Variants in NFAT5 observed in about 807,000 individuals in gnomAD.
The protein encoded by NFAT5 is nuclear factor of activated T-cells 5.
Under a neutral mutation model 166.5 loss-of-function variants are expected in NFAT5, and 31 were observed. That is an observed-to-expected ratio of 0.19 (90% CI 0.14 to 0.25). The LOEUF is 0.25. NFAT5 is among the 10% of genes least tolerant of loss of function. The pLI is 1.00. For synonymous variants in NFAT5, 612 were observed against 639.7 expected (o/e 0.96, Z 0.65); for missense variants, 1,449 against 1,821.8 (o/e 0.80, Z 3.72).
In NFAT5 at chr16:69,692,365, A is replaced by T; in HGVS notation, c.2540A>T (p.Asp847Val). Reference protein sequence around the residue: ...NENVQEQLSADIFQQVSQIQS... With the variant: ...NENVQEQLSAVIFQQVSQIQS... ...AATGTTCAAGAGCAGCTTAGTGCAG[A>T]TATTTTTCAACAAGTCAGTCAAATT... The change falls in exon 13 of 15, where the codon GAT becomes GTT. Residue 847 changes from aspartate to valine, a missense_variant. Around this residue, in one of 7 missense-constraint regions of NFAT5, gnomAD observed 891 missense variants for 993.0 expected, o/e 0.90. Coordinates refer to ENST00000349945, the MANE Select transcript of NFAT5 (RefSeq NM_138713.4). 1 of 1,614,220 alleles carries T rather than the reference A, an allele frequency of 6.2e-7. No individual in the cohort carries two copies. Among genetic ancestry groups the T allele is most frequent in the Non-Finnish European group, 8.5e-7 (1 of 1,180,040 alleles).
chr16:69,578,936 G>C (rs188641493), intron 2 of NFAT5, among the ~76,000 whole-genome samples: 3 of 151,446 alleles, frequency 2.0e-5, no homozygotes, highest in African/African-American at 7.3e-5. Context: ...GTGCAGTGGC[G>C]TAATCTCGGC....
intron 2 of NFAT5, among the ~76,000 whole-genome samples, chr16:69,597,656 A>ATCT (rs1378002648): frequency 6.7e-6 from 1 of 150,292 alleles, no homozygotes; most frequent in Non-Finnish European, 1.5e-5. Flanking sequence ...CAGTGGCGCG[A>ATCT]TCTCAGCTCA....
intron 2 of NFAT5, among the ~76,000 whole-genome samples, chr16:69,596,437 A>AGGCCGG (rs2032793063): frequency 6.6e-6 from 1 of 152,152 alleles, no homozygotes; most frequent in African/African-American, 2.4e-5. Flanking sequence ...AAAGAAAAGA[A>AGGCCGG]GGCCGGGTGC....
intron 4 of NFAT5, 52 bp from the exon 5 acceptor site, chr16:69,653,184 T>C: frequency 7.9e-7 from 1 of 1,272,152 alleles, no homozygotes; most frequent in Non-Finnish European, 1.1e-6. Flanking sequence ...TTTTTTTTTT[T>C]ATCAAAAAAC....
In NFAT5 at chr16:69,696,529, C is replaced by T. The variant is rs573025404; in HGVS notation, c.*178C>T. On this transcript the variant is annotated 3_prime_UTR_variant, in exon 15 of 15. Transcript: ENST00000349945. ...CTATGCTGCTTGTTGCAGTAACTAA[C>T]CACCAATGTTAACATCTTCATATTT... is the stretch of plus-strand genomic sequence containing the variant. The T allele has an allele frequency of 2.0e-5, 3 of 152,580 alleles. No individual in the cohort carries two copies. The highest frequency in any genetic ancestry group is 4.4e-5 in the Non-Finnish European group (3 of 68,030). The allele number at this position is 152,580 out of a possible 1,614,324, so 9.5% of individuals were successfully genotyped here. A position where few individuals can be genotyped will look rare whatever the true frequency, so the allele number is the denominator to read the frequency against.
At chr16:69,621,702 A>G (rs1306534902) in intron 2 of NFAT5, among the ~76,000 whole-genome samples, 1 of 152,198 alleles carries the variant, frequency 6.6e-6, no homozygotes, top group African/African-American at 2.4e-5. Context: ...GGTGCAGCTC[A>G]TGTCTGTAAT....
At chr16:69,599,108 A>T (rs752616792) in intron 2 of NFAT5, among the ~76,000 whole-genome samples, 1 of 151,630 alleles carries the variant, frequency 6.6e-6, no homozygotes, top group Non-Finnish European at 1.5e-5. Context: ...GGATTCAAGG[A>T]ATGGAGGTTG....
intron 3 of NFAT5, among the ~76,000 whole-genome samples, chr16:69,635,202 G>C (rs967403800): frequency 2.0e-5 from 3 of 151,728 alleles, no homozygotes; most frequent in African/African-American, 7.2e-5. Context: ...GTAGAGACAG[G>C]GTTTCACCAC....
chr16:69,581,128 G>A (rs1249775386), intron 2 of NFAT5, among the ~76,000 whole-genome samples: 2 of 151,840 alleles, frequency 1.3e-5, no homozygotes, highest in Non-Finnish European at 2.9e-5. Context: ...TGCAACCTCC[G>A]CCTTCTGGGT....
At chr16:69,592,844 C>T (rs1277098487) in intron 2 of NFAT5, among the ~76,000 whole-genome samples, 1 of 152,150 alleles carries the variant, frequency 6.6e-6, no homozygotes, top group Non-Finnish European at 1.5e-5. Context: ...AAATTGCTTT[C>T]AGAGTAGAGT....
In NFAT5 at chr16:69,610,325, GA is replaced by G. The variant is rs1434359072; in HGVS notation, c.128-16077del. ...CTGGTAATGACAGAAAGGAAAACAAGATGGGTTTTTTTTGGTTTTTGTTTGT... is the reference window on the plus strand; with the variant it reads ...CTGGTAATGACAGAAAGGAAAACAAGTGGGTTTTTTTTGGTTTTTGTTTGT... On this transcript the variant is annotated intron_variant, in intron 2 of 14. Transcript: ENST00000349945. Among the ~76,000 whole-genome samples the G allele has an allele frequency of 2.0e-5, 3 of 152,200 alleles. No homozygotes were observed. In the East Asian group the frequency reaches 5.8e-4, roughly 29 times the overall value.
intron 4 of NFAT5, chr16:69,648,694 A>G (rs2035550437): frequency 2.1e-6 from 2 of 966,870 alleles, no homozygotes; most frequent in Non-Finnish European, 2.5e-6. Context: ...AGATTTTTGT[A>G]TAGTACATTC....
chr16:69,666,449 A>G (rs2036384129), intron 7 of NFAT5, among the ~76,000 whole-genome samples: 1 of 151,626 alleles, frequency 6.6e-6, no homozygotes, highest in South Asian at 2.1e-4. Flanking sequence ...TCCAGAATCT[A>G]CAATGAACTC....
chr16:69,672,916 C>T (rs1234531706), intron 9 of NFAT5, among the ~76,000 whole-genome samples: 3 of 152,146 alleles, frequency 2.0e-5, no homozygotes, highest in Admixed American at 6.6e-5. Context: ...ATAAATTATA[C>T]AAAATATCAA....
intron 7 of NFAT5, 31 bp downstream of exon 7, chr16:69,659,930 T>G: frequency 6.7e-7 from 1 of 1,499,276 alleles, no homozygotes; most frequent in Non-Finnish European, 9.0e-7. Context: ...ATACTAAACA[T>G]ATGGAGTTTC....
At chr16:69,667,468 A>C (rs2036441394) in intron 7 of NFAT5, among the ~76,000 whole-genome samples, 1 of 151,112 alleles carries the variant, frequency 6.6e-6, no homozygotes, top group South Asian at 2.1e-4. Flanking sequence ...TAACTTGTGA[A>C]TAAAGCAGGT....
At chr16:69,577,683 A>T (rs2016834817) in intron 2 of NFAT5, among the ~76,000 whole-genome samples, 2 of 152,198 alleles carry the variant, frequency 1.3e-5, no homozygotes, top group South Asian at 4.1e-4. Flanking sequence ...TTACGGAATG[A>T]TTGAAATGTT....
chr16:69,691,425 G>A (rs958918235), intron 12 of NFAT5, among the ~76,000 whole-genome samples: 1 of 151,986 alleles, frequency 6.6e-6, no homozygotes, highest in African/African-American at 2.4e-5. Flanking sequence ...ACAAAATTGA[G>A]ATATTTTGAT....
chr16:69,577,852 G>A (rs1367210093), intron 2 of NFAT5, among the ~76,000 whole-genome samples: 2 of 152,054 alleles, frequency 1.3e-5, no homozygotes, highest in African/African-American at 2.4e-5. Context: ...CAGTATTAAT[G>A]TAAGCTATAT....
Sources: allele counts gnomAD v4.1 joint callset (sites outside exome capture counted in the v4.1 genomes callset), GRCh38; gene constraint gnomAD v4.1.1; regional missense constraint gnomAD v4.1.1; transcripts MANE v1.5; gene names NCBI Gene and HGNC (gene_info 2026-07-23, HGNC 2026-07-21).